AP1S3: variants seen among roughly 807,000 people sequenced by gnomAD.
AP1S3 encodes AP-1 complex subunit sigma-3.
In AP1S3, 10 loss-of-function variants were observed where a neutral mutation model predicts 20.9. The observed-to-expected ratio is 0.48, with a 90% CI of 0.29 to 0.81. AP1S3 has a LOEUF of 0.81. AP1S3 is among the 30% of genes least tolerant of loss of function. The pLI, the probability that AP1S3 is intolerant of heterozygous loss-of-function variation, is 0.08. For synonymous variants in AP1S3, 41 were observed against 61.5 expected (o/e 0.67, Z 1.56); for missense variants, 154 against 183.8 (o/e 0.84, Z 0.94).
At chr2:223,776,993 C>T (rs927146818) in intron 2 of AP1S3, among the ~76,000 whole-genome samples, 2 of 152,200 alleles carry the variant, frequency 1.3e-5, no homozygotes, top group Admixed American at 6.5e-5. Context: ...TTCCAAAGCA[C>T]TTGTTACTAA....
chr2:223,837,272 G>C (rs558063894), intron 1 of AP1S3, among the ~76,000 whole-genome samples, 176 bp downstream of exon 1: 22 of 151,906 alleles, frequency 1.4e-4, no homozygotes, highest in African/African-American at 5.1e-4. Context: ...AAGCGATCCT[G>C]GCGCGTCCGC....
At chr2:223,816,538 G>A (rs896799146) in intron 1 of AP1S3, among the ~76,000 whole-genome samples, 1 of 152,212 alleles carries the variant, frequency 6.6e-6, no homozygotes. Context: ...ACAGGAGACC[G>A]TGGATAGGGT....
chr2:223,815,551 T>C (rs1691825129), intron 1 of AP1S3, among the ~76,000 whole-genome samples: 1 of 152,200 alleles, frequency 6.6e-6, no homozygotes, highest in South Asian at 2.1e-4. Flanking sequence ...CATGCATAGA[T>C]TTGTAAAGCC....
intron 1 of AP1S3, among the ~76,000 whole-genome samples, chr2:223,818,455 T>C (rs1444354131): frequency 6.6e-6 from 1 of 150,592 alleles, no homozygotes; most frequent in Admixed American, 6.6e-5. Context: ...TCCAAGATAA[T>C]GTGGAAGGAA....
At chr2:223,829,892 C>T (rs1692219693) in intron 1 of AP1S3, among the ~76,000 whole-genome samples, 1 of 151,882 alleles carries the variant, frequency 6.6e-6, no homozygotes, top group South Asian at 2.1e-4. Flanking sequence ...GTGTCTTGTC[C>T]GTGGCACTTT....
In AP1S3 at chr2:223,782,090, C is replaced by A. The variant is rs189837059; in HGVS notation, c.4-4221G>T. Among the ~76,000 whole-genome samples the A allele has an allele frequency of 2.2e-3, 332 of 151,128 alleles. 3 individuals are homozygous for A. Among genetic ancestry groups the A allele is most frequent in the African/African-American group, 7.6e-3 (313 of 41,034 alleles). On this transcript the variant is annotated intron_variant, in intron 1 of 4. Coordinates refer to ENST00000396654, the MANE Select transcript of AP1S3 (RefSeq NM_001039569.2). Reference sequence around the variant, plus strand: ...GCAGTGGCGCCATCTTGGCTTACTGCAACCTCTACTTCCTAGGCTCAAGTG... The same window carrying A: ...GCAGTGGCGCCATCTTGGCTTACTGAAACCTCTACTTCCTAGGCTCAAGTG...
intron 3 of AP1S3, among the ~76,000 whole-genome samples, chr2:223,771,024 C>T (rs943331833): frequency 7.2e-5 from 11 of 151,922 alleles, no homozygotes; most frequent in Admixed American, 4.6e-4. Flanking sequence ...CATGAGCCAC[C>T]GTTCCCAGTC....
At chr2:223,770,097 A>G (rs1257809819) in intron 3 of AP1S3, 38 of 1,470,262 alleles carry the variant, frequency 2.6e-5, no homozygotes, top group Non-Finnish European at 3.1e-5. Flanking sequence ...AAAAATATGC[A>G]TCATTTTTGC....
chr2:223,827,589 T>G (rs1056285279), intron 1 of AP1S3, among the ~76,000 whole-genome samples: 2 of 151,948 alleles, frequency 1.3e-5, no homozygotes, highest in African/African-American at 4.8e-5. Flanking sequence ...CTTTACCATG[T>G]TGGCCTGGCT....
At chr2:223,777,945 A>G in intron 1 of AP1S3, 76 bp from the exon 2 acceptor site, 3 of 1,298,782 alleles carry the variant, frequency 2.3e-6, no homozygotes, top group African/African-American at 1.5e-5. Context: ...CTGAAATTCA[A>G]TGATGGATTT....
intron 1 of AP1S3, among the ~76,000 whole-genome samples, chr2:223,818,578 C>A (rs1381460787): frequency 6.6e-6 from 1 of 151,714 alleles, no homozygotes; most frequent in African/African-American, 2.4e-5. Context: ...TTTGAGATGG[C>A]ATCTTGCTCT....
chr2:223,796,202 T>G (rs558657580), intron 1 of AP1S3, among the ~76,000 whole-genome samples: 13 of 152,250 alleles, frequency 8.5e-5, no homozygotes, highest in South Asian at 2.1e-4. Flanking sequence ...AAATAAATTA[T>G]CCAGGGGCCA....
At chr2:223,793,686 T>G (rs756696194) in intron 1 of AP1S3, among the ~76,000 whole-genome samples, 1 of 152,132 alleles carries the variant, frequency 6.6e-6, no homozygotes, top group South Asian at 2.1e-4. Context: ...TGCTCAAGTA[T>G]ATAATACATT....
intron 1 of AP1S3, among the ~76,000 whole-genome samples, chr2:223,792,731 TTAAAC>T (rs1412807657): frequency 1.3e-5 from 2 of 152,202 alleles, no homozygotes; most frequent in African/African-American, 4.8e-5. Context: ...TGGGATCTAC[TTAAAC>T]TAAAGTTTCT....
chr2:223,820,177 C>G (rs1691953127), intron 1 of AP1S3, among the ~76,000 whole-genome samples: 1 of 151,112 alleles, frequency 6.6e-6, no homozygotes, highest in South Asian at 2.1e-4. Context: ...GGTTTTTTTT[C>G]TCAGACTGAA....
At position 223,770,149 on chromosome 2, in the gene AP1S3, A is replaced by G; in HGVS notation, c.292-4799T>C. On this transcript the variant is annotated intron_variant, in intron 3 of 4. Coordinates refer to ENST00000396654, the MANE Select transcript of AP1S3 (RefSeq NM_001039569.2). The stretch of plus-strand genomic sequence containing the variant: ...AAGAAACAAAAAGAAATCACAATAG[A>G]TTAGACATCCATGTACATGAAAGAA... 2.0e-6 allele frequency: 3 copies of G among 1,535,276 alleles called. No individual in the cohort carries two copies. The South Asian group carries it at 3.7e-5, about 19-fold the overall frequency.
chr2:223,779,092 T>C lies in AP1S3; in HGVS notation c.4-1223A>G, dbSNP rs372562693. On this transcript the variant is annotated intron_variant, in intron 1 of 4. Coordinates refer to ENST00000396654, the MANE Select transcript of AP1S3 (RefSeq NM_001039569.2). ...GTTACAATTGTCTTTGGCATCACCA[T>C]AGACTCTTAACAATTTAGACAGTAT... 3.3e-5 allele frequency among the ~76,000 whole-genome samples: 5 copies of C among 152,340 alleles called. No individual in the cohort carries two copies. The East Asian group carries it at 5.8e-4, about 18-fold the overall frequency.
intron 1 of AP1S3, among the ~76,000 whole-genome samples, chr2:223,810,195 C>T (rs544098447): frequency 2.6e-5 from 4 of 152,304 alleles, no homozygotes; most frequent in East Asian, 1.9e-4. Context: ...ACACAGTTGT[C>T]TTCTGACAAA....
At chr2:223,806,002 A>C (rs1691570501) in intron 1 of AP1S3, among the ~76,000 whole-genome samples, 1 of 152,184 alleles carries the variant, frequency 6.6e-6, no homozygotes, top group African/African-American at 2.4e-5. Context: ...TACAAAGAGA[A>C]AGAGAACTAA....
Sources: allele counts gnomAD v4.1 joint callset (sites outside exome capture counted in the v4.1 genomes callset), GRCh38; gene constraint gnomAD v4.1.1; transcripts MANE v1.5; gene names NCBI Gene and HGNC (gene_info 2026-07-23, HGNC 2026-07-21).